COL15A1: variants seen among roughly 807,000 people sequenced by gnomAD.
COL15A1 encodes the protein collagen alpha-1(XV) chain.
Under a neutral mutation model 165.9 loss-of-function variants are expected in COL15A1, and 111 were observed. That is an observed-to-expected ratio of 0.67 (90% CI 0.57 to 0.78). The LOEUF (loss-of-function observed/expected upper bound fraction) is 0.78. Ranked by LOEUF, COL15A1 falls within the 30% of genes least tolerant of loss-of-function variation. The pLI, the probability that COL15A1 is intolerant of heterozygous loss-of-function variation, is 0.00. For synonymous variants in COL15A1, 659 were observed against 674.8 expected, an observed-to-expected ratio of 0.98 and a Z score of 0.36; for missense variants, 1,745 against 1,789.7, an observed-to-expected ratio of 0.98 and a Z score of 0.45.
chr9:98,975,226 C>T (rs1174422812), intron 2 of COL15A1, among the ~76,000 whole-genome samples: 1 of 152,266 alleles, frequency 6.6e-6, no homozygotes, highest in Non-Finnish European at 1.5e-5. Flanking sequence ...CTAACTAGCG[C>T]TAGCGCTGGG....
At chr9:98,945,848 G>A (rs1837573434) in intron 2 of COL15A1, among the ~76,000 whole-genome samples, 1 of 152,190 alleles carries the variant, frequency 6.6e-6, no homozygotes, top group African/African-American at 2.4e-5. Flanking sequence ...AAAGGAAGAT[G>A]GATCTGGGGA....
At chr9:99,022,739 A>G (rs1839048840) in intron 13 of COL15A1, among the ~76,000 whole-genome samples, 1 of 152,200 alleles carries the variant, frequency 6.6e-6, no homozygotes, top group Non-Finnish European at 1.5e-5. Context: ...CACACATTCA[A>G]TGAATGAATT....
chr9:99,025,765 T>C, intron 15 of COL15A1, 139 bp from the exon 16 acceptor site: 1 of 818,134 alleles, frequency 1.2e-6, no homozygotes, highest in Non-Finnish European at 2.1e-6. Context: ...AAGGACTAGG[T>C]TCCTGCCTTG....
At chr9:99,014,229 C>T (rs1384408210) in intron 9 of COL15A1, among the ~76,000 whole-genome samples, 1 of 152,194 alleles carries the variant, frequency 6.6e-6, no homozygotes, top group Admixed American at 6.5e-5. Context: ...AATTCAGCTA[C>T]TTACTAGAGA....
chr9:99,034,019 C>A (rs1839254015), intron 16 of COL15A1, among the ~76,000 whole-genome samples: 1 of 152,190 alleles, frequency 6.6e-6, no homozygotes, highest in South Asian at 2.1e-4. Context: ...GGACATGCAA[C>A]CTGCCCTAAT....
chr9:99,013,576 C>T (rs1182536750), intron 9 of COL15A1, among the ~76,000 whole-genome samples: 1 of 151,454 alleles, frequency 6.6e-6, no homozygotes, highest in African/African-American at 2.4e-5. Flanking sequence ...CAGCTAAGAC[C>T]ACTTCCTGTA....
chr9:98,989,284 T>A (rs747378764), intron 5 of COL15A1, 26 bp downstream of exon 5: 14 of 1,581,884 alleles, frequency 8.9e-6, no homozygotes, highest in Non-Finnish European at 1.2e-5. Context: ...CTGTGCCATG[T>A]GATCTTGCTC....
intron 2 of COL15A1, among the ~76,000 whole-genome samples, chr9:98,949,870 T>C (rs1837650477): frequency 6.6e-6 from 1 of 152,214 alleles, no homozygotes; most frequent in Non-Finnish European, 1.5e-5. Context: ...CTTCAGGCAG[T>C]CACTAAACTA....
At chr9:99,033,774 G>A (rs1242812274) in intron 16 of COL15A1, among the ~76,000 whole-genome samples, 2 of 152,160 alleles carry the variant, frequency 1.3e-5, no homozygotes, top group Admixed American at 6.5e-5. Context: ...CTCCTGTGTG[G>A]CATGCAATTG....
chr9:98,971,962 T>C (rs1027557323), intron 2 of COL15A1, among the ~76,000 whole-genome samples: 11 of 152,238 alleles, frequency 7.2e-5, no homozygotes, highest in Non-Finnish European at 1.5e-4. Flanking sequence ...GTTGTGAGGC[T>C]GAACGGAGGT....
At chr9:99,045,085 C>T (rs866520974) in intron 26 of COL15A1, among the ~76,000 whole-genome samples, 1 of 152,072 alleles carries the variant, frequency 6.6e-6, no homozygotes, top group African/African-American at 2.4e-5. Flanking sequence ...GATTCAAGGT[C>T]GCACAGGAGC....
intron 2 of COL15A1, among the ~76,000 whole-genome samples, chr9:98,984,531 GA>G (rs1435072941): frequency 1.3e-5 from 2 of 152,214 alleles, no homozygotes; most frequent in Non-Finnish European, 2.9e-5. Flanking sequence ...GTAAGATGGG[GA>G]TAAGAGTACC....
chr9:99,060,105 G>A, intron 36 of COL15A1, 152 bp downstream of exon 36: 2 of 800,792 alleles, frequency 2.5e-6, no homozygotes, highest in Non-Finnish European at 3.6e-6. Context: ...GAAGGGATTT[G>A]TTATCTATTT....
intron 16 of COL15A1, among the ~76,000 whole-genome samples, chr9:99,027,877 A>G (rs1034363363): frequency 3.3e-5 from 5 of 152,228 alleles, no homozygotes; most frequent in African/African-American, 1.2e-4. Flanking sequence ...CAAAACCAAA[A>G]AAGTCCCTAA....
In COL15A1 at chr9:98,973,823, G is replaced by A. The variant is rs113640460; in HGVS notation, c.101-11742G>A. 7.2e-3 allele frequency among the ~76,000 whole-genome samples: 1,104 copies of A among 152,368 alleles called. 9 individuals carry two copies. The highest frequency in any genetic ancestry group is 0.014 in the Admixed American group (222 of 15,312). On this transcript the variant is annotated intron_variant, in intron 2 of 41. Transcript: ENST00000375001. Reference sequence around the variant, plus strand: ...GGACTGAAAGAACCGGCAGTTAGGGGCGGTTAGAAAAACTGAAACACTGGC... The same window carrying A: ...GGACTGAAAGAACCGGCAGTTAGGGACGGTTAGAAAAACTGAAACACTGGC...
intron 2 of COL15A1, among the ~76,000 whole-genome samples, chr9:98,980,960 G>C (rs113228780): frequency 9.4e-4 from 143 of 152,282 alleles, no homozygotes; most frequent in African/African-American, 3.4e-3. Flanking sequence ...ATTCAGGGAA[G>C]CTGTAGGTGC....
At position 98,989,244 on chromosome 9, in the gene COL15A1, T is replaced by C; in HGVS notation, c.790T>C (p.Tyr264His). 1 of 1,613,826 alleles carries C rather than the reference T, an allele frequency of 6.2e-7. No individual in the cohort carries two copies. The change falls in exon 5 of 42, where the codon TAC becomes CAC. Residue 264 changes from tyrosine to histidine, a missense_variant. Transcript: ENST00000375001. ...AGCTGAGATCTTAGAAGCCGTCACC[T>C]ACACTCAAGCCTCGGTGAGTACTGG... ...GVAEILEAVTYTQASPKEAKV... is the reference protein window; with the variant it reads ...GVAEILEAVTHTQASPKEAKV...
intron 26 of COL15A1, among the ~76,000 whole-genome samples, chr9:99,047,545 G>C (rs1391755582): frequency 2.2e-4 from 34 of 152,182 alleles, no homozygotes; most frequent in Non-Finnish European, 2.9e-5. Flanking sequence ...CAGAGTCTGG[G>C]GTGGGTTGGA....
chr9:99,069,771 G>T lies in COL15A1; in HGVS notation c.4052G>T (p.Gly1351Val). 1 of 1,614,232 alleles carries T rather than the reference G, an allele frequency of 6.2e-7. No homozygotes were observed. The highest frequency in any genetic ancestry group is 8.5e-7 in the Non-Finnish European group (1 of 1,180,034). ...CGAACCGCGGACACAGCGGTCACGG[G>T]ACTTGCCTCCCCGCTGAGCACGGGG... ...AWRTADTAVT[G>V]LASPLSTGKI... The change falls in exon 42 of 42, where the codon GGA (glycine) becomes GTA (valine). Residue 1351 changes from glycine (G) to valine (V), a missense_variant. Gly to Val is a moderately radical substitution (Grantham distance 109). Transcript: ENST00000375001.
Sources: gnomAD v4.1 joint callset for allele counts (sites outside exome capture counted in the v4.1 genomes callset) on GRCh38, gnomAD v4.1.1 for gene constraint, MANE v1.5 for transcripts, NCBI Gene and HGNC (gene_info 2026-07-23, HGNC 2026-07-21) for gene names.